SGTA: variants seen among roughly 807,000 people sequenced by gnomAD.
The protein encoded by SGTA is small glutamine-rich tetratricopeptide repeat-containing protein alpha.
A neutral mutation model predicts 44.3 loss-of-function variants in SGTA; 22 were observed. The observed-to-expected ratio is 0.50, with a 90% CI of 0.36 to 0.71. The LOEUF is 0.71. Among genes scored for constraint, SGTA ranks in the 30% least tolerant of loss-of-function variants. The probability of loss-of-function intolerance (pLI) is 0.00; values close to 1 mark genes in which losing one functional copy is unlikely to be tolerated. For synonymous variants in SGTA, 174 were observed against 177.6 expected (o/e 0.98, Z 0.16); for missense variants, 341 against 435.9 (o/e 0.78, Z 1.94).
At chr19:2,757,222 C>T (rs1914844184) in intron 11 of SGTA, 115 bp downstream of exon 11, 3 of 1,313,788 alleles carry the variant, frequency 2.3e-6, no homozygotes, top group Non-Finnish European at 2.1e-6. Context: ...TGTCCAGTGT[C>T]CAGACAGGCT....
intron 1 of SGTA, among the ~76,000 whole-genome samples, chr19:2,781,388 G>A (rs1256173382): frequency 6.6e-6 from 1 of 152,186 alleles, no homozygotes; most frequent in African/African-American, 2.4e-5. Context: ...ATTGTCTTCA[G>A]CTCTGCAGGC....
Position 2,755,791 on chromosome 19 carries a change from T to C in SGTA, c.*149A>G. 2.0e-6 allele frequency: 2 copies of C among 985,368 alleles called. No individual in the cohort carries two copies. Among genetic ancestry groups the C allele is most frequent in the South Asian group, 4.7e-5 (1 of 21,276 alleles). The allele number at this position is 985,368 out of a possible 1,614,324, so 61.0% of individuals were successfully genotyped here. ...AAAAGGGAGTGGAGGAGGGCAGAGA[T>C]AAAAGGGGAAAATCCATCTTGACAT... On this transcript the variant is annotated 3_prime_UTR_variant, in exon 12 of 12. Coordinates refer to ENST00000221566, the MANE Select transcript of SGTA (RefSeq NM_003021.4). The surrounding 1 kb of genome is among the most constrained non-coding windows in gnomAD (Gnocchi z 5.2).
At chr19:2,774,278 G>A (rs1323739734) in intron 1 of SGTA, among the ~76,000 whole-genome samples, 2 of 152,168 alleles carry the variant, frequency 1.3e-5, no homozygotes, top group African/African-American at 2.4e-5. Context: ...GGGCAGGGAC[G>A]CGTGGTCGCA....
At chr19:2,772,981 A>T (rs374440607) in intron 1 of SGTA, among the ~76,000 whole-genome samples, 1 of 19,198 alleles carries the variant, frequency 5.2e-5, no homozygotes, top group East Asian at 3.4e-3. Context: ...TGGGTGACGC[A>T]GCCACACGGC....
intron 9 of SGTA, among the ~76,000 whole-genome samples, chr19:2,758,254 C>T (rs989222978): frequency 9.2e-5 from 14 of 152,164 alleles, no homozygotes; most frequent in African/African-American, 1.7e-4. Context: ...GTGGGCCAGC[C>T]GCGGTGGCTC....
In SGTA at chr19:2,767,896, C is replaced by T. The variant is rs950171354; in HGVS notation, c.101-210G>A. Among the ~76,000 whole-genome samples, 2 of 152,188 alleles carry T rather than the reference C, an allele frequency of 1.3e-5. No homozygotes were observed. The highest frequency in any genetic ancestry group is 1.3e-4 in the Admixed American group (2 of 15,280). ...AAAGCCAGACAGAGACGCCCCGTGC[C>T]CCTGAGAGCAGCAGAGGCCGTGGGC... On this transcript the variant is annotated intron_variant, in intron 2 of 11. Transcript: ENST00000221566. The surrounding 1 kb of genome is among the most constrained non-coding windows in gnomAD (Gnocchi z 7.3).
intron 9 of SGTA, among the ~76,000 whole-genome samples, chr19:2,758,614 G>A (rs1030133030): frequency 1.3e-5 from 2 of 152,090 alleles, no homozygotes; most frequent in African/African-American, 2.4e-5. Flanking sequence ...GACCCTATGA[G>A]CCAGCGAGTG....
chr19:2,777,860 T>C (rs1915477498), intron 1 of SGTA: 1 of 151,366 alleles, frequency 6.6e-6, no homozygotes, highest in South Asian at 2.1e-4. Flanking sequence ...CTACTAAAAA[T>C]ACAAAAATTA....
rs373897640 is a variant in SGTA, at chr19:2,765,324, C to A, written c.293-39G>T. The A allele has an allele frequency of 8.1e-6, 12 of 1,483,120 alleles. No homozygotes were observed. The highest frequency in any genetic ancestry group is 6.9e-5 in the African/African-American group (5 of 72,498). The allele number at this position is 1,483,120 out of a possible 1,614,324, so 91.9% of individuals were successfully genotyped here. A position where few individuals can be genotyped will look rare whatever the true frequency, so the allele number is the denominator to read the frequency against. On this transcript the variant is annotated intron_variant, in intron 4 of 11. Transcript: ENST00000221566. This position sits in a 1 kb window ranked among gnomAD's most constrained non-coding sequence, Gnocchi z 5.5. ...GGAAAACACCGGCCCGGTGTCCACACAGACCGGAGGGGGTGTCAGGGAGAG... is the reference window on the plus strand; with the variant it reads ...GGAAAACACCGGCCCGGTGTCCACAAAGACCGGAGGGGGTGTCAGGGAGAG...
chr19:2,777,217 C>A (rs1272255760), intron 1 of SGTA, among the ~76,000 whole-genome samples: 1 of 151,028 alleles, frequency 6.6e-6, no homozygotes, highest in Non-Finnish European at 1.5e-5. Context: ...CACTACTGTA[C>A]TCCAGCCTGG....
At chr19:2,774,811 C>T (rs965663079) in intron 1 of SGTA, among the ~76,000 whole-genome samples, 8 of 152,280 alleles carry the variant, frequency 5.3e-5, no homozygotes, top group Admixed American at 4.6e-4. Flanking sequence ...TGAGGAAAGC[C>T]GTGGATTCTA....
At position 2,761,493 on chromosome 19, in the gene SGTA, G is replaced by A. The variant is rs1042810175; in HGVS notation, c.666C>T (p.Ala222=). 2.6e-5 allele frequency: 40 copies of A among 1,551,418 alleles called. No individual in the cohort carries two copies. The East Asian group carries it at 3.9e-4, about 15-fold the overall frequency. Residue 222 remains alanine, a synonymous_variant, in exon 8 of 12, where the codon GCC becomes GCT. Transcript: ENST00000221566. This position sits in a 1 kb window ranked among gnomAD's most constrained non-coding sequence, Gnocchi z 5.7. ...TGAAGCCAGGGTTGTTCAGCAGGCC[G>A]GCGATGTCGAAGCTGCCCACGCCTC... ...PTGGVGSFDI[A]GLLNNPGFMS... is the part of the protein sequence containing the mutation.
chr19:2,762,753 G>A (rs1398266781), intron 6 of SGTA, 109 bp from the exon 7 acceptor site: 1 of 1,326,456 alleles, frequency 7.5e-7, no homozygotes, highest in East Asian at 2.3e-5. Context: ...ACCTCGGATG[G>A]TGCCACCCCC....
chr19:2,778,966 G>C (rs557791235), intron 1 of SGTA, among the ~76,000 whole-genome samples: 3 of 152,196 alleles, frequency 2.0e-5, no homozygotes, highest in Non-Finnish European at 2.9e-5. Context: ...ATGCAGGTCT[G>C]TCGCCTGTGG....
chr19:2,760,250 G>A (rs1353252614), intron 8 of SGTA, among the ~76,000 whole-genome samples: 1 of 152,028 alleles, frequency 6.6e-6, no homozygotes, highest in Non-Finnish European at 1.5e-5. Context: ...CAGGTGTAGT[G>A]GCTCACACCT....
In SGTA at chr19:2,769,011, G is replaced by A. The variant is rs766329789; in HGVS notation, c.58C>T (p.Arg20Trp). ...GCATCGGACGAGAGGCCCCCGTGCC[G>A]GAGCTGGTCATGCAGGAACTGGATG... is the stretch of plus-strand genomic sequence containing the variant. The part of the protein sequence containing the change: ...AIIQFLHDQL[R>W]HGGLSSDAQE... Residue 20 changes from arginine to tryptophan, a missense_variant, in exon 2 of 12, where the codon CGG becomes TGG. Arg to Trp is a moderately radical substitution (Grantham distance 101, BLOSUM62 -3). Transcript: ENST00000221566. 8 of 1,613,854 alleles carry A rather than the reference G, an allele frequency of 5.0e-6. No homozygotes were observed. Among genetic ancestry groups the A allele is most frequent in the South Asian group, 4.4e-5 (4 of 91,090 alleles).
At position 2,767,229 on chromosome 19, in the gene SGTA, G is replaced by A. The variant is rs759547246; in HGVS notation, c.208-9C>T. 33 of 1,602,352 alleles carry A rather than the reference G, an allele frequency of 2.1e-5. No homozygotes were observed. In the Admixed American group the frequency reaches 2.4e-4, roughly 11 times the overall value. ...AGGTCCTGCGGCATCTCCTGGACCCGGAGGCAAAGGCGGCCCGCTGTCCTC... is the reference window on the plus strand; with the variant it reads ...AGGTCCTGCGGCATCTCCTGGACCCAGAGGCAAAGGCGGCCCGCTGTCCTC... On this transcript the variant is annotated splice_polypyrimidine_tract_variant and intron_variant, in intron 3 of 11. Transcript: ENST00000221566. The surrounding 1 kb of genome is among the most constrained non-coding windows in gnomAD (Gnocchi z 7.3).
At chr19:2,781,117 C>T (rs1331670966) in intron 1 of SGTA, among the ~76,000 whole-genome samples, 2 of 152,162 alleles carry the variant, frequency 1.3e-5, no homozygotes, top group Admixed American at 6.5e-5. Context: ...CTGTACTGAG[C>T]ACTTCCTACC....
rs1177690940 is a variant in SGTA, at chr19:2,765,927, A to T, written c.293-642T>A. On this transcript the variant is annotated intron_variant, in intron 4 of 11. Transcript: ENST00000221566. This position sits in a 1 kb window ranked among gnomAD's most constrained non-coding sequence, Gnocchi z 5.5. ...TTACATGCCACAAAGCTTACGCTTT[A>T]AAAATATAAGCCCGGGCGCGGTGGC... Among the ~76,000 whole-genome samples, 1 of 152,230 alleles carries T rather than the reference A, an allele frequency of 6.6e-6. No individual in the cohort carries two copies. Among genetic ancestry groups the T allele is most frequent in the Admixed American group, 6.5e-5 (1 of 15,280 alleles).
Sources: allele counts gnomAD v4.1 joint callset (sites outside exome capture counted in the v4.1 genomes callset), GRCh38; gene constraint gnomAD v4.1.1; non-coding constraint Gnocchi (gnomAD v3.1); transcripts MANE v1.5; gene names NCBI Gene and HGNC (gene_info 2026-07-23, HGNC 2026-07-21).